The following EVI5 variants were observed in gnomAD, a reference collection of about 807,000 sequenced individuals.
EVI5 encodes ecotropic viral integration site 5 protein homolog.
EVI5 carries 73 observed loss-of-function variants against 112.0 expected under a neutral mutation model. That is an observed-to-expected ratio of 0.65 (90% CI 0.54 to 0.79). The LOEUF (loss-of-function observed/expected upper bound fraction) is 0.79, where lower values mean the gene tolerates loss of function less well. EVI5 is among the 30% of genes least tolerant of loss of function. EVI5 has a pLI of 0.00. For synonymous variants in EVI5, 305 were observed against 319.9 expected (o/e 0.95, Z 0.50); for missense variants, 900 against 968.8 (o/e 0.93, Z 0.94).
chr1:92,707,756 T>C lies in EVI5; in HGVS notation c.150-3012A>G, dbSNP rs138627214. On this transcript the variant is annotated intron_variant, in intron 2 of 19. Transcript: ENST00000684568. ...CTCATACAGTTGAAATACATATCCA[T>C]ATGGTCCAGCAGTAAAATGAAAACA... 7.9e-5 allele frequency among the ~76,000 whole-genome samples: 12 copies of C among 152,264 alleles called. No homozygotes were observed. The East Asian group carries it at 1.7e-3, about 22-fold the overall frequency.
rs185612900 is a variant in EVI5 at position 92,660,031 on chromosome 1, A to T, written c.1392+2688T>A. Among the ~76,000 whole-genome samples, 339 of 152,162 alleles carry T rather than the reference A, an allele frequency of 2.2e-3. 1 individual carries two copies. The highest frequency in any genetic ancestry group is 7.9e-3 in the African/African-American group (330 of 41,570). On this transcript the variant is annotated intron_variant, in intron 13 of 19. Coordinates refer to ENST00000684568, the MANE Select transcript of EVI5 (RefSeq NM_001350197.2). The stretch of plus-strand genomic sequence containing the variant: ...CTTATAAATGAGAAATAATGTATAC[A>T]CATGGACATAGAGCATAGAATAATA...
chr1:92,540,052 C>G (rs531874816), intron 19 of EVI5, among the ~76,000 whole-genome samples: 24 of 152,272 alleles, frequency 1.6e-4, no homozygotes, highest in South Asian at 1.2e-3. Flanking sequence ...CATAATTGAT[C>G]ATATGGATAT....
At chr1:92,773,197 C>A (rs867093112) in intron 1 of EVI5, among the ~76,000 whole-genome samples, 1,255 of 131,348 alleles carry the variant, frequency 9.6e-3, no homozygotes, top group Middle Eastern at 0.016. Context: ...CAGGCTGTCT[C>A]AAAAAAAAAA....
intron 13 of EVI5, among the ~76,000 whole-genome samples, chr1:92,653,055 G>T (rs1292199833): frequency 6.6e-6 from 1 of 152,176 alleles, no homozygotes; most frequent in African/African-American, 2.4e-5. Flanking sequence ...GGGACTTCTT[G>T]AGGGCACTGC....
intron 9 of EVI5, among the ~76,000 whole-genome samples, chr1:92,680,388 G>T (rs2102346623): frequency 6.6e-6 from 1 of 151,982 alleles, no homozygotes; most frequent in South Asian, 2.1e-4. Context: ...GACAAATCAG[G>T]GATAATTTAA....
At chr1:92,721,114 T>C (rs531015794) in intron 2 of EVI5, among the ~76,000 whole-genome samples, 24 of 152,236 alleles carry the variant, frequency 1.6e-4, no homozygotes, top group Non-Finnish European at 2.6e-4. Context: ...TGGAAGACAG[T>C]GTGGCAATTC....
Position 92,703,565 on chromosome 1 carries a change from A to G in EVI5, c.394T>C (p.Leu132=). ...HHFRAIVWQL[L]CSAQSMPIKD... is the part of the protein sequence containing the mutation. ...ATTGGCATACTTTGTGCACTGCATAAAAGTTGCCAAACTATTGCTCTAAAG... is the reference window on the plus strand; with the variant it reads ...ATTGGCATACTTTGTGCACTGCATAGAAGTTGCCAAACTATTGCTCTAAAG... The change falls in exon 4 of 20, where the codon TTA becomes CTA. Residue 132 remains leucine, a synonymous_variant. Coordinates refer to ENST00000684568, the MANE Select transcript of EVI5 (RefSeq NM_001350197.2). The G allele has an allele frequency of 6.3e-7, 1 of 1,597,050 alleles. No homozygotes were observed. Among genetic ancestry groups the G allele is most frequent in the South Asian group, 1.2e-5 (1 of 86,544 alleles).
intron 18 of EVI5, among the ~76,000 whole-genome samples, chr1:92,583,191 G>C (rs1341991205): frequency 1.3e-5 from 2 of 152,042 alleles, no homozygotes; most frequent in African/African-American, 4.8e-5. Flanking sequence ...CTGATGGGTA[G>C]TTACTATTTT....
At chr1:92,740,987 T>C (rs990804611) in intron 1 of EVI5, among the ~76,000 whole-genome samples, 4 of 152,112 alleles carry the variant, frequency 2.6e-5, no homozygotes, top group African/African-American at 9.7e-5. Flanking sequence ...CAACTCCCAC[T>C]GTATGGTGCC....
chr1:92,667,103 G>C (rs1450265841), intron 10 of EVI5, among the ~76,000 whole-genome samples: 1 of 152,140 alleles, frequency 6.6e-6, no homozygotes, highest in Non-Finnish European at 1.5e-5. Context: ...TGGACAACAT[G>C]GCAAAACCCT....
intron 1 of EVI5, among the ~76,000 whole-genome samples, chr1:92,777,372 A>G (rs1277628045): frequency 6.6e-6 from 1 of 152,178 alleles, no homozygotes; most frequent in African/African-American, 2.4e-5. Context: ...TTCTCCAGGC[A>G]CTCATCTCCT....
At chr1:92,750,332 G>A (rs1679982291) in intron 1 of EVI5, among the ~76,000 whole-genome samples, 2 of 152,124 alleles carry the variant, frequency 1.3e-5, no homozygotes, top group Non-Finnish European at 1.5e-5. Context: ...CAATACTTAA[G>A]AGGTTTATTT....
intron 19 of EVI5, among the ~76,000 whole-genome samples, chr1:92,563,005 A>G (rs1159547219): frequency 6.6e-6 from 1 of 152,224 alleles, no homozygotes; most frequent in Non-Finnish European, 1.5e-5. Flanking sequence ...ACAGAAAATA[A>G]TAAAGGATAA....
intron 2 of EVI5, among the ~76,000 whole-genome samples, chr1:92,731,831 AG>A (rs1235418741): frequency 2.0e-5 from 3 of 152,250 alleles, no homozygotes; most frequent in Non-Finnish European, 4.4e-5. Context: ...AGGAATAATT[AG>A]ATGTCCATAT....
At chr1:92,678,457 G>A (rs1173256064) in intron 9 of EVI5, among the ~76,000 whole-genome samples, 1 of 152,060 alleles carries the variant, frequency 6.6e-6, no homozygotes, top group Non-Finnish European at 1.5e-5. Context: ...CTTGAGCCAG[G>A]AAAGTCAAGG....
At chr1:92,766,306 GT>G (rs1011224432) in intron 1 of EVI5, among the ~76,000 whole-genome samples, 1 of 150,952 alleles carries the variant, frequency 6.6e-6, no homozygotes, top group Non-Finnish European at 1.5e-5. Context: ...GTTTCATTTT[GT>G]TTTTTTAAAA....
chr1:92,621,344 C>T (rs1365784900), intron 16 of EVI5, among the ~76,000 whole-genome samples: 6 of 152,148 alleles, frequency 3.9e-5, no homozygotes, highest in East Asian at 1.9e-4. Context: ...AGTCTTGCTC[C>T]GTCACCCAGG....
At chr1:92,674,707 T>C (rs1666435457) in intron 10 of EVI5, among the ~76,000 whole-genome samples, 1 of 144,200 alleles carries the variant, frequency 6.9e-6, no homozygotes, top group Admixed American at 7.0e-5. Flanking sequence ...AAGTATTCAG[T>C]TGAAAAAAAA....
intron 2 of EVI5, among the ~76,000 whole-genome samples, chr1:92,722,161 T>C (rs1232870640): frequency 6.6e-6 from 1 of 152,186 alleles, no homozygotes; most frequent in African/African-American, 2.4e-5. Context: ...TACTTTTTTT[T>C]GTGGTAAGAA....
Sources: allele counts gnomAD v4.1 joint callset (sites outside exome capture counted in the v4.1 genomes callset), GRCh38; gene constraint gnomAD v4.1.1; transcripts MANE v1.5; gene names NCBI Gene and HGNC (gene_info 2026-07-23, HGNC 2026-07-21).